Variants in UXS1 observed in about 807,000 individuals in gnomAD.
The protein encoded by UXS1 is UDP-glucuronic acid decarboxylase 1.
In UXS1, 33 loss-of-function variants were observed where a neutral mutation model predicts 62.6. The ratio of observed to expected loss-of-function variants is 0.53; its 90% CI spans 0.40 to 0.70. The LOEUF (loss-of-function observed/expected upper bound fraction) is 0.70, where lower values mean the gene tolerates loss of function less well. Among genes scored for constraint, UXS1 ranks in the 30% least tolerant of loss-of-function variants. UXS1 has a pLI of 0.00. For synonymous variants in UXS1, 213 were observed against 206.8 expected (o/e 1.03, Z -0.26); for missense variants, 434 against 556.3 (o/e 0.78, Z 2.21).
At position 106,093,952 on chromosome 2, in the gene UXS1, C is replaced by A. The variant is rs547771755; in HGVS notation, c.*74G>T. On this transcript the variant is annotated 3_prime_UTR_variant, in exon 15 of 15. Coordinates refer to ENST00000283148, the MANE Select transcript of UXS1 (RefSeq NM_001253875.2). ...ACACCTGTTAAAGTCTTTCTTTAAA[C>A]GACAACAAAAAAAAGCCAAAAATAC... is the stretch of plus-strand genomic sequence containing the variant. The A allele has an allele frequency of 1.4e-6, 2 of 1,466,462 alleles. No individual in the cohort carries two copies. The highest frequency in any genetic ancestry group is 1.5e-5 in the South Asian group (1 of 65,384). The allele number at this position is 1,466,462 out of a possible 1,614,324, so 90.8% of individuals were successfully genotyped here.
intron 1 of UXS1, among the ~76,000 whole-genome samples, chr2:106,190,261 T>C (rs1222178460): frequency 6.6e-6 from 1 of 152,076 alleles, no homozygotes; most frequent in Non-Finnish European, 1.5e-5. Context: ...TTGTAAACAC[T>C]GCATGATGAG....
intron 13 of UXS1, chr2:106,097,556 T>TC: frequency 4.3e-6 from 1 of 232,946 alleles, no homozygotes; most frequent in Non-Finnish European, 8.9e-6. Flanking sequence ...TGCACGCCCC[T>TC]CCCCCCAGCC....
rs558432068 is a variant in UXS1, at chr2:106,158,885, T to C, written c.231-767A>G. 7.2e-5 allele frequency among the ~76,000 whole-genome samples: 11 copies of C among 152,326 alleles called. 1 individual carries two copies. In the South Asian group the frequency reaches 2.1e-3, roughly 29 times the overall value. Reference sequence around the variant, plus strand: ...CGGTATTTGAGGTATCTTTCAGATTTAGCATTTTGGCAGACAGACTAAGAG... The same window carrying C: ...CGGTATTTGAGGTATCTTTCAGATTCAGCATTTTGGCAGACAGACTAAGAG... On this transcript the variant is annotated intron_variant, in intron 4 of 14. Transcript: ENST00000283148.
At chr2:106,193,364 T>A (rs536149627) in intron 1 of UXS1, among the ~76,000 whole-genome samples, 1 of 152,052 alleles carries the variant, frequency 6.6e-6, no homozygotes, top group Non-Finnish European at 1.5e-5. Flanking sequence ...TCCCAACGAA[T>A]AGATCTTTAA....
intron 4 of UXS1, chr2:106,159,229 G>GT (rs1682704764): frequency 6.6e-6 from 1 of 152,328 alleles, no homozygotes; most frequent in Non-Finnish European, 1.5e-5. Flanking sequence ...TCTGGGTACT[G>GT]TATCAGGGTC....
chr2:106,120,489 C>G (rs1379327725), intron 9 of UXS1, among the ~76,000 whole-genome samples: 1 of 152,224 alleles, frequency 6.6e-6, no homozygotes, highest in African/African-American at 2.4e-5. Context: ...AACGTGCCCC[C>G]AGAGGTGGGC....
At position 106,094,017 on chromosome 2, in the gene UXS1, G is replaced by A. The variant is rs370584220; in HGVS notation, c.*9C>T. 2.5e-6 allele frequency: 4 copies of A among 1,604,744 alleles called. No individual in the cohort carries two copies. Among genetic ancestry groups the A allele is most frequent in the African/African-American group, 1.3e-5 (1 of 74,202 alleles). On this transcript the variant is annotated 3_prime_UTR_variant, in exon 15 of 15. Coordinates refer to ENST00000283148, the MANE Select transcript of UXS1 (RefSeq NM_001253875.2). ...ACAATGGTAGTCTTGTGTCCTAAAA[G>A]TGAGGAGTTCAGCTGTGGCGAGTCC...
Position 106,194,263 on chromosome 2 carries a change from AG to A in UXS1, c.-23del. The A allele has an allele frequency of 7.7e-7, 1 of 1,299,910 alleles. No homozygotes were observed. Among genetic ancestry groups the A allele is most frequent in the Non-Finnish European group, 9.9e-7 (1 of 1,009,202 alleles). 80.5% of individuals were successfully genotyped at this position (1,299,910 alleles called of 1,614,324 possible). A position where few individuals can be genotyped will look rare whatever the true frequency, so the allele number is the denominator to read the frequency against. ...CCATCCCCGGGAGCCGCGCGGGTCC[AG>A]GGCCCTACCGCGCGGGGGCCCGCCT... On this transcript the variant is annotated 5_prime_UTR_variant, in exon 1 of 15. Coordinates refer to ENST00000283148, the MANE Select transcript of UXS1 (RefSeq NM_001253875.2).
chr2:106,104,501 C>T (rs899695772), intron 11 of UXS1, among the ~76,000 whole-genome samples: 18 of 152,188 alleles, frequency 1.2e-4, no homozygotes, highest in African/African-American at 1.9e-4. Context: ...ACTCCACCTG[C>T]GCTGAAATCA....
intron 8 of UXS1, among the ~76,000 whole-genome samples, chr2:106,124,866 TAA>T (rs918062527): frequency 4.6e-5 from 7 of 152,006 alleles, no homozygotes; most frequent in African/African-American, 1.7e-4. Flanking sequence ...TTTCCTTAAT[TAA>T]AAAAAAGTCT....
chr2:106,098,805 T>C lies in UXS1; in HGVS notation c.985-32A>G, dbSNP rs1424103132. 5.1e-5 allele frequency: 82 copies of C among 1,597,228 alleles called. No homozygotes were observed. In the Admixed American group the frequency reaches 1.4e-3, roughly 27 times the overall value. On this transcript the variant is annotated intron_variant, in intron 12 of 14. Coordinates refer to ENST00000283148, the MANE Select transcript of UXS1 (RefSeq NM_001253875.2). ...AAGAAACGGTTTCCAGTTATAAGCG[T>C]CATGACAACAGCAGCAATCCACCAC...
chr2:106,168,528 C>A (rs1683349756), intron 1 of UXS1, among the ~76,000 whole-genome samples: 1 of 152,180 alleles, frequency 6.6e-6, no homozygotes, highest in Non-Finnish European at 1.5e-5. Context: ...TGAATTCTTT[C>A]TTGTGGAAGA....
At chr2:106,162,455 A>G (rs1407909959) in intron 4 of UXS1, among the ~76,000 whole-genome samples, 2 of 152,226 alleles carry the variant, frequency 1.3e-5, no homozygotes, top group Non-Finnish European at 2.9e-5. Context: ...TATTGTCTAA[A>G]GAAAATAATC....
chr2:106,189,510 T>G (rs1405031053), intron 1 of UXS1, among the ~76,000 whole-genome samples: 1 of 152,144 alleles, frequency 6.6e-6, no homozygotes, highest in Non-Finnish European at 1.5e-5. Flanking sequence ...CGCAGCGAAG[T>G]GCAGGCCCAG....
chr2:106,123,323 G>A (rs1679673074), intron 8 of UXS1, among the ~76,000 whole-genome samples: 1 of 151,882 alleles, frequency 6.6e-6, no homozygotes, highest in South Asian at 2.1e-4. Flanking sequence ...AAAAAGATCA[G>A]GTCTCCCAAT....
At chr2:106,192,809 T>C (rs1007614076) in intron 1 of UXS1, among the ~76,000 whole-genome samples, 3 of 152,174 alleles carry the variant, frequency 2.0e-5, no homozygotes, top group East Asian at 3.8e-4. Context: ...GGAATCATTA[T>C]AGTACCGATT....
At chr2:106,130,940 T>A (rs951794838) in intron 6 of UXS1, among the ~76,000 whole-genome samples, 2 of 151,988 alleles carry the variant, frequency 1.3e-5, no homozygotes, top group Non-Finnish European at 2.9e-5. Flanking sequence ...AGTCTACAGC[T>A]CCCAGCGTGA....
chr2:106,183,811 T>C (rs1181632197), intron 1 of UXS1: 1 of 152,234 alleles, frequency 6.6e-6, no homozygotes, highest in African/African-American at 2.4e-5. Context: ...AAAGGAGTAT[T>C]TTCATTTTAC....
At chr2:106,144,739 C>T (rs146269821) in intron 6 of UXS1, among the ~76,000 whole-genome samples, 13 of 152,276 alleles carry the variant, frequency 8.5e-5, no homozygotes, top group Middle Eastern at 3.4e-3. Flanking sequence ...CGTCCTCACA[C>T]GGTGGAAAGG....
Sources: allele counts gnomAD v4.1 joint callset (sites outside exome capture counted in the v4.1 genomes callset), GRCh38; gene constraint gnomAD v4.1.1; transcripts MANE v1.5; gene names NCBI Gene and HGNC (gene_info 2026-07-23, HGNC 2026-07-21).